The following PDE5A variants were observed in gnomAD, a reference collection of about 807,000 sequenced individuals.
The protein encoded by PDE5A is cGMP-specific 3',5'-cyclic phosphodiesterase.
A neutral mutation model predicts 110.2 loss-of-function variants in PDE5A; 67 were observed. That is an observed-to-expected ratio of 0.61 (90% CI 0.50 to 0.75). PDE5A has a LOEUF of 0.75. PDE5A is among the 30% of genes least tolerant of loss of function. The pLI, the probability that PDE5A is intolerant of heterozygous loss-of-function variation, is 0.00. For synonymous variants in PDE5A, 328 were observed against 351.2 expected, an observed-to-expected ratio of 0.93 and a Z score of 0.74; for missense variants, 862 against 1,045.1, an observed-to-expected ratio of 0.82 and a Z score of 2.42.
At chr4:119,559,352 A>G (rs1027909443) in intron 7 of PDE5A, among the ~76,000 whole-genome samples, 2 of 152,196 alleles carry the variant, frequency 1.3e-5, no homozygotes, top group Non-Finnish European at 2.9e-5. Context: ...TATAATACAC[A>G]GGGATATGCT....
chr4:119,515,709 G>T (rs1725886609), intron 14 of PDE5A, among the ~76,000 whole-genome samples: 1 of 151,934 alleles, frequency 6.6e-6, no homozygotes, highest in South Asian at 2.1e-4. Flanking sequence ...ATAACTAGCT[G>T]CTCATTATTA....
intron 11 of PDE5A, among the ~76,000 whole-genome samples, chr4:119,526,636 T>C (rs1726328564): frequency 6.6e-6 from 1 of 152,148 alleles, no homozygotes; most frequent in South Asian, 2.1e-4. Context: ...AAGTTTCCTA[T>C]GAGTATCTGA....
chr4:119,530,400 T>C (rs1003833365), intron 11 of PDE5A, among the ~76,000 whole-genome samples: 8 of 152,100 alleles, frequency 5.3e-5, no homozygotes, highest in African/African-American at 1.9e-4. Context: ...ACAGTGTAGG[T>C]TGAAATCACA....
At chr4:119,572,915 CT>C (rs750573086) in intron 3 of PDE5A, among the ~76,000 whole-genome samples, 33 of 151,702 alleles carry the variant, frequency 2.2e-4, no homozygotes, top group South Asian at 4.2e-4. Context: ...CTTCTCCCCC[CT>C]GTTCCTCCTA....
At chr4:119,610,735 C>T (rs972508137) in intron 1 of PDE5A, among the ~76,000 whole-genome samples, 3 of 152,160 alleles carry the variant, frequency 2.0e-5, no homozygotes, top group Non-Finnish European at 2.9e-5. Context: ...CATTCAGTTG[C>T]GCAGTCAAGT....
chr4:119,624,162 C>A (rs944156004), intron 1 of PDE5A, among the ~76,000 whole-genome samples: 2 of 152,082 alleles, frequency 1.3e-5, no homozygotes, highest in Non-Finnish European at 1.5e-5. Flanking sequence ...ATACTATAAA[C>A]AATATCAAAG....
chr4:119,592,078 A>G (rs1728986852), intron 3 of PDE5A, among the ~76,000 whole-genome samples: 1 of 137,978 alleles, frequency 7.2e-6, no homozygotes, highest in Non-Finnish European at 1.5e-5. Context: ...TGAACCCGGG[A>G]GGCAGAGGTT....
chr4:119,564,159 T>G (rs1727842299), intron 5 of PDE5A, among the ~76,000 whole-genome samples: 1 of 151,934 alleles, frequency 6.6e-6, no homozygotes, highest in Non-Finnish European at 1.5e-5. Context: ...TATGCCATGT[T>G]ATATATTTAT....
At chr4:119,602,640 A>G (rs1022105192) in intron 2 of PDE5A, among the ~76,000 whole-genome samples, 66 of 152,328 alleles carry the variant, frequency 4.3e-4, no homozygotes, top group African/African-American at 1.6e-3. Flanking sequence ...TTTTTCTTCT[A>G]AAATTCATCT....
At chr4:119,560,410 G>A in intron 6 of PDE5A, 47 bp from the exon 7 acceptor site, 1 of 1,244,422 alleles carries the variant, frequency 8.0e-7, no homozygotes, top group South Asian at 1.4e-5. Context: ...ACAAGGTAAT[G>A]AAAACTATCT....
chr4:119,551,513 A>C (rs1484078369), intron 9 of PDE5A, among the ~76,000 whole-genome samples: 1 of 152,202 alleles, frequency 6.6e-6, no homozygotes, highest in African/African-American at 2.4e-5. Context: ...GGAATTGGAA[A>C]GATATTACTG....
At chr4:119,523,255 GC>G (rs1439186945) in intron 12 of PDE5A, among the ~76,000 whole-genome samples, 1 of 152,050 alleles carries the variant, frequency 6.6e-6, no homozygotes, top group East Asian at 1.9e-4. Context: ...CACAGCACAT[GC>G]AGATTGGCTT....
chr4:119,570,519 T>A (rs1408218713), intron 3 of PDE5A, among the ~76,000 whole-genome samples: 3 of 152,198 alleles, frequency 2.0e-5, no homozygotes, highest in Non-Finnish European at 4.4e-5. Context: ...CAAATGGATG[T>A]TATGTCCTCA....
chr4:119,593,875 G>A (rs941324761), intron 3 of PDE5A, among the ~76,000 whole-genome samples: 28 of 152,174 alleles, frequency 1.8e-4, no homozygotes, highest in African/African-American at 6.3e-4. Context: ...AGGCAAAGGA[G>A]AAGCAGACAC....
intron 3 of PDE5A, among the ~76,000 whole-genome samples, chr4:119,571,360 A>C (rs1728135214): frequency 6.6e-6 from 1 of 152,182 alleles, no homozygotes. Context: ...ATTATCCTGA[A>C]TTATCTAGGT....
chr4:119,599,273 C>T (rs1380791911), intron 2 of PDE5A, among the ~76,000 whole-genome samples: 9 of 151,960 alleles, frequency 5.9e-5, no homozygotes, highest in African/African-American at 2.2e-4. Context: ...CTATGACCAG[C>T]AGACAATACA....
At chr4:119,576,491 C>T (rs1356210315) in intron 3 of PDE5A, among the ~76,000 whole-genome samples, 1 of 152,216 alleles carries the variant, frequency 6.6e-6, no homozygotes, top group African/African-American at 2.4e-5. Context: ...AACTGTCTCT[C>T]AGACCACAGT....
At chr4:119,540,362 T>C (rs1004589975) in intron 10 of PDE5A, among the ~76,000 whole-genome samples, 3 of 152,200 alleles carry the variant, frequency 2.0e-5, no homozygotes, top group African/African-American at 4.8e-5. Flanking sequence ...CATACTGCAC[T>C]ACATTGCATC....
chr4:119,531,341 C>A (rs1726533200), intron 11 of PDE5A, among the ~76,000 whole-genome samples: 1 of 152,058 alleles, frequency 6.6e-6, no homozygotes, highest in Non-Finnish European at 1.5e-5. Context: ...TGCAGTGGCA[C>A]AATCTTGGCT....
Sources: allele counts gnomAD v4.1 joint callset (sites outside exome capture counted in the v4.1 genomes callset), GRCh38; gene constraint gnomAD v4.1.1; transcripts MANE v1.5; gene names NCBI Gene and HGNC (gene_info 2026-07-23, HGNC 2026-07-21).